Variants in NOS1AP observed in about 807,000 individuals in gnomAD.
NOS1AP encodes carboxyl-terminal PDZ ligand of neuronal nitric oxide synthase protein.
A neutral mutation model predicts 56.2 loss-of-function variants in NOS1AP; 21 were observed. The observed-to-expected ratio is 0.37, with a 90% confidence interval of 0.26 to 0.54. The LOEUF is 0.54. Ranked by LOEUF, NOS1AP falls within the 20% of genes least tolerant of loss-of-function variation. The probability of loss-of-function intolerance (pLI) is 0.84; values close to 1 mark genes in which losing one functional copy is unlikely to be tolerated. For missense variants in NOS1AP, 522 were observed against 657.8 expected (o/e 0.79, Z 2.26); for synonymous variants, 270 against 274.6 (o/e 0.98, Z 0.17).
chr1:162,176,846 C>T (rs1348876455), intron 2 of NOS1AP, among the ~76,000 whole-genome samples: 1 of 152,146 alleles, frequency 6.6e-6, no homozygotes, highest in East Asian at 1.9e-4. Flanking sequence ...GAATGTACCA[C>T]AGTTTTTTCA....
intron 1 of NOS1AP, among the ~76,000 whole-genome samples, chr1:162,074,096 A>G (rs1691720878): frequency 6.6e-6 from 1 of 152,236 alleles, no homozygotes; most frequent in Non-Finnish European, 1.5e-5. Context: ...GGACTTCTAC[A>G]TACAAAGACT....
intron 7 of NOS1AP, 99 bp from the exon 8 acceptor site, chr1:162,356,861 T>C (rs374954678): frequency 6.2e-7 from 1 of 1,605,936 alleles, no homozygotes. Context: ...GGGTTGTAAG[T>C]GTGCCAATTT....
At chr1:162,292,500 T>C (rs943916521) in intron 3 of NOS1AP, among the ~76,000 whole-genome samples, 10 of 152,240 alleles carry the variant, frequency 6.6e-5, no homozygotes, top group African/African-American at 2.4e-4. Flanking sequence ...GATACCATTC[T>C]TATGATTGTT....
In NOS1AP at chr1:162,365,307, A is replaced by C. The variant is rs1658041860; in HGVS notation, c.940-97A>C. ...TCTTCTTGAACTGAATGTGGAGGGC[A>C]TCTCTGGTCCCGGCCATCTGCCAGT... On this transcript the variant is annotated intron_variant, in intron 8 of 9. Coordinates refer to ENST00000361897, the MANE Select transcript of NOS1AP (RefSeq NM_014697.3). The C allele has an allele frequency of 1.9e-6, 3 of 1,594,444 alleles. No homozygotes were observed. The African/African-American group carries it at 4.0e-5, about 21-fold the overall frequency.
At chr1:162,175,652 T>G (rs1055238443) in intron 2 of NOS1AP, among the ~76,000 whole-genome samples, 1 of 152,286 alleles carries the variant, frequency 6.6e-6, no homozygotes, top group Non-Finnish European at 1.5e-5. Context: ...GCTGCTGGAA[T>G]GTGTTTGCAT....
intron 5 of NOS1AP, among the ~76,000 whole-genome samples, chr1:162,336,987 C>A (rs1656962078): frequency 6.6e-6 from 1 of 152,168 alleles, no homozygotes; most frequent in African/African-American, 2.4e-5. Context: ...CATGGGCATT[C>A]CTTGTTTCCC....
At chr1:162,170,831 C>T (rs1000712957) in intron 2 of NOS1AP, among the ~76,000 whole-genome samples, 7 of 151,676 alleles carry the variant, frequency 4.6e-5, no homozygotes, top group Non-Finnish European at 1.0e-4. Flanking sequence ...GTCCCACACT[C>T]AAGAGGCTGA....
At chr1:162,217,211 C>T (rs1452484633) in intron 2 of NOS1AP, among the ~76,000 whole-genome samples, 2 of 149,696 alleles carry the variant, frequency 1.3e-5, no homozygotes, top group Non-Finnish European at 3.0e-5. Flanking sequence ...CAAATTGGTA[C>T]TCTTTTCACT....
intron 1 of NOS1AP, among the ~76,000 whole-genome samples, chr1:162,115,776 G>T (rs1038400510): frequency 6.6e-6 from 1 of 152,178 alleles, no homozygotes; most frequent in Admixed American, 6.5e-5. Context: ...AGGAGGAAGA[G>T]AATGAATTCA....
At chr1:162,225,259 C>T (rs562085074) in intron 2 of NOS1AP, among the ~76,000 whole-genome samples, 4 of 152,222 alleles carry the variant, frequency 2.6e-5, no homozygotes, top group Admixed American at 1.3e-4. Context: ...CCTGGACCAT[C>T]GTCATGGCAC....
chr1:162,239,630 C>T (rs1378646415), intron 2 of NOS1AP, among the ~76,000 whole-genome samples: 2 of 152,086 alleles, frequency 1.3e-5, no homozygotes, highest in Non-Finnish European at 2.9e-5. Flanking sequence ...CATAAGCCCC[C>T]AAGAGATTGC....
At chr1:162,128,492 A>G (rs1252016972) in intron 1 of NOS1AP, among the ~76,000 whole-genome samples, 2 of 152,302 alleles carry the variant, frequency 1.3e-5, no homozygotes, top group South Asian at 4.1e-4. Context: ...ACACAAATTT[A>G]TCATGCCAGA....
intron 6 of NOS1AP, among the ~76,000 whole-genome samples, chr1:162,349,734 A>G (rs11577628): frequency 0.076 from 11,558 of 152,230 alleles, 608 homozygotes; most frequent in South Asian, 0.16. Flanking sequence ...ACATGACCTC[A>G]TCTGTACAGT....
intron 3 of NOS1AP, among the ~76,000 whole-genome samples, chr1:162,290,099 A>G (rs958840392): frequency 1.3e-5 from 2 of 152,206 alleles, no homozygotes; most frequent in African/African-American, 4.8e-5. Context: ...GAGGGAGTGC[A>G]TGGGACCTCG....
At chr1:162,335,026 A>G (rs1448920633) in intron 5 of NOS1AP, among the ~76,000 whole-genome samples, 1 of 118,094 alleles carries the variant, frequency 8.5e-6, no homozygotes, top group African/African-American at 2.7e-5. Flanking sequence ...TTCTGACAAA[A>G]CCTGAGTTTA....
chr1:162,076,225 T>C (rs1368535021), intron 1 of NOS1AP, among the ~76,000 whole-genome samples: 1 of 152,220 alleles, frequency 6.6e-6, no homozygotes, highest in Non-Finnish European at 1.5e-5. Flanking sequence ...CTTGTCCTGC[T>C]GTCTACCCTC....
chr1:162,199,281 A>T (rs923779576), intron 2 of NOS1AP, among the ~76,000 whole-genome samples: 13 of 152,152 alleles, frequency 8.5e-5, no homozygotes, highest in Non-Finnish European at 2.9e-5. Flanking sequence ...GAGTGGGGAA[A>T]AGAGGACAGC....
At chr1:162,144,427 G>A (rs7540690) in intron 1 of NOS1AP, among the ~76,000 whole-genome samples, 32,759 of 152,180 alleles carry the variant, frequency 0.22, 4,491 homozygotes, top group South Asian at 0.55. Context: ...CTTAAACTCT[G>A]TCATTGGATC....
intron 2 of NOS1AP, among the ~76,000 whole-genome samples, chr1:162,219,314 G>A (rs1652688536): frequency 1.3e-5 from 2 of 152,170 alleles, no homozygotes; most frequent in Non-Finnish European, 2.9e-5. Flanking sequence ...TAAGGACAGG[G>A]GAAGCTAGAC....
Sources: allele counts gnomAD v4.1 joint callset (sites outside exome capture counted in the v4.1 genomes callset), GRCh38; gene constraint gnomAD v4.1.1; transcripts MANE v1.5; gene names NCBI Gene and HGNC (gene_info 2026-07-23, HGNC 2026-07-21).